Variants in ITLN1 observed in about 807,000 individuals in gnomAD.
ITLN1 encodes intelectin-1.
Under a neutral mutation model 36.2 loss-of-function variants are expected in ITLN1, and 29 were observed. The ratio of observed to expected loss-of-function variants is 0.80; its 90% CI spans 0.60 to 1.09. The LOEUF is 1.09. Among genes scored for constraint, ITLN1 ranks in the 50% least tolerant of loss-of-function variants. The pLI, the probability that ITLN1 is intolerant of heterozygous loss-of-function variation, is 0.00. For synonymous variants in ITLN1, 143 were observed against 146.5 expected, an observed-to-expected ratio of 0.98 and a Z score of 0.17; for missense variants, 358 against 405.2, an observed-to-expected ratio of 0.88 and a Z score of 1.00.
chr1:160,879,169 G>A (rs907564178), intron 7 of ITLN1, 142 bp downstream of exon 7: 10 of 692,568 alleles, frequency 1.4e-5, no homozygotes, highest in Middle Eastern at 4.0e-4. Flanking sequence ...CTGAAGCTCA[G>A]CAATGAGCAA....
chr1:160,884,966 G>C, intron 1 of ITLN1, 83 bp from the exon 2 acceptor site: 1 of 865,968 alleles, frequency 1.2e-6, no homozygotes, highest in East Asian at 2.4e-5. Context: ...GTCTTACAAA[G>C]ACTCCAAAAC....
rs530827688 is a variant in ITLN1, at chr1:160,882,845, T to C, written c.157+583A>G. Reference sequence around the variant, plus strand: ...GGGAAGAGAGTTATTGCTTAATAACTCCATGTTATTTTTTGTTTTGTTTTG... The same window carrying C: ...GGGAAGAGAGTTATTGCTTAATAACCCCATGTTATTTTTTGTTTTGTTTTG... On this transcript the variant is annotated intron_variant, in intron 3 of 7. Transcript: ENST00000326245. Among the ~76,000 whole-genome samples, 5 of 152,162 alleles carry C rather than the reference T, an allele frequency of 3.3e-5. No individual in the cohort carries two copies. The East Asian group carries it at 9.6e-4, about 29-fold the overall frequency.
chr1:160,884,709 A>C, intron 2 of ITLN1, 111 bp downstream of exon 2: 1 of 744,468 alleles, frequency 1.3e-6, no homozygotes, highest in South Asian at 1.7e-5. Context: ...CTCAGTCTAC[A>C]TGCAAGCCAG....
At chr1:160,884,967 A>C in intron 1 of ITLN1, 84 bp from the exon 2 acceptor site, 1 of 823,618 alleles carries the variant, frequency 1.2e-6, no homozygotes, top group Non-Finnish European at 2.0e-6. Context: ...TCTTACAAAG[A>C]CTCCAAAACC....
rs1036861709 is a variant in ITLN1 at position 160,876,834 on chromosome 1, G to A, written c.790-18C>T. On this transcript the variant is annotated intron_variant, in intron 7 of 7. Transcript: ENST00000326245. The stretch of plus-strand genomic sequence containing the variant: ...ATGCAGTGCTGGGAAACAAAGAGAG[G>A]AAGAGGCAGTAATGAGAGATCTGCC... 2 of 1,612,444 alleles carry A rather than the reference G, an allele frequency of 1.2e-6. No homozygotes were observed. The highest frequency in any genetic ancestry group is 1.3e-5 in the African/African-American group (1 of 74,874).
intron 2 of ITLN1, among the ~76,000 whole-genome samples, chr1:160,884,611 C>G (rs902974704): frequency 2.6e-5 from 4 of 152,130 alleles, no homozygotes; most frequent in African/African-American, 9.7e-5. Flanking sequence ...CAGGGCCACA[C>G]AAAAGCACAG....
At position 160,879,323 on chromosome 1, in the gene ITLN1, A is replaced by C. The variant is rs1289642103; in HGVS notation, c.777T>G (p.Cys259Trp). Residue 259 changes from cysteine (C) to tryptophan (W), a missense_variant, in exon 7 of 8, where the codon TGT becomes TGG. Coordinates refer to ENST00000326245, the MANE Select transcript of ITLN1 (RefSeq NM_017625.3). The part of the protein sequence containing the change: ...ALCAGMRVTG[C>W]NTEHHCIGGG... ...CACAGAGACTCACGTGCTCAGTGTT[A>C]CATCCGGTGACCCTCATTCCAGCAC... 1.9e-6 allele frequency: 3 copies of C among 1,613,488 alleles called. No individual in the cohort carries two copies. The highest frequency in any genetic ancestry group is 2.7e-5 in the African/African-American group (2 of 74,904).
At position 160,876,630 on chromosome 1, in the gene ITLN1, G is replaced by T. The variant is rs369658384; in HGVS notation, c.*34C>A. The T allele has an allele frequency of 6.8e-6, 11 of 1,610,130 alleles. No individual in the cohort carries two copies. In the African/African-American group the frequency reaches 1.5e-4, roughly 22 times the overall value. ...CTCCATCCTTGGGATCTCATGGTTG[G>T]GAGGAGAGGTCTGGGTTCCCTCCCA... On this transcript the variant is annotated 3_prime_UTR_variant, in exon 8 of 8. Coordinates refer to ENST00000326245, the MANE Select transcript of ITLN1 (RefSeq NM_017625.3).
chr1:160,881,802 A>G (rs1367945441), intron 4 of ITLN1, among the ~76,000 whole-genome samples, 155 bp downstream of exon 4: 3 of 65,884 alleles, frequency 4.6e-5, no homozygotes, highest in Non-Finnish European at 1.1e-4. Context: ...ACTCCGTCTC[A>G]AGAAAAAAAA....
At position 160,881,241 on chromosome 1, in the gene ITLN1, C is replaced by T. The variant is rs200950973; in HGVS notation, c.477G>A (p.Gln159=). The stretch of plus-strand genomic sequence containing the variant: ...TCAGCAGGGAGCTGTTTCTCCAGTG[C>T]TGCATGGGGGACTTATTGGGCACGT... ...IWHVPNKSPM[Q]HWRNSSLLRY... is the part of the protein sequence containing the mutation. Residue 159 remains glutamine, a synonymous_variant, in exon 5 of 8, where the codon CAG becomes CAA. Coordinates refer to ENST00000326245, the MANE Select transcript of ITLN1 (RefSeq NM_017625.3). 3.7e-6 allele frequency: 6 copies of T among 1,613,636 alleles called. No individual in the cohort carries two copies. The highest frequency in any genetic ancestry group is 1.7e-4 in the Middle Eastern group (1 of 6,060).
At chr1:160,884,760 G>GACCAGGAT in intron 2 of ITLN1, 60 bp downstream of exon 2, 1 of 1,165,374 alleles carries the variant, frequency 8.6e-7, no homozygotes, top group East Asian at 2.3e-5. Context: ...TCCTGGGAGA[G>GACCAGGAT]ACCAGGATCC....
intron 4 of ITLN1, 139 bp downstream of exon 4, chr1:160,881,818 A>G: frequency 8.1e-7 from 1 of 1,227,232 alleles, no homozygotes; most frequent in Non-Finnish European, 1.1e-6. Flanking sequence ...AAAAAAAAAA[A>G]AAAAAAAGAT....
At chr1:160,881,711 A>G (rs1670681296) in intron 4 of ITLN1, among the ~76,000 whole-genome samples, 1 of 150,726 alleles carries the variant, frequency 6.6e-6, no homozygotes, top group Admixed American at 6.6e-5. Flanking sequence ...TTTGAGGCAG[A>G]GGATCACTTG....
chr1:160,883,295 A>C, intron 3 of ITLN1, 133 bp downstream of exon 3: 2 of 595,358 alleles, frequency 3.4e-6, no homozygotes, highest in Non-Finnish European at 5.9e-6. Context: ...ATGTTGCTTA[A>C]AATGGCAAAT....
chr1:160,884,596 C>T (rs1173120547), intron 2 of ITLN1, among the ~76,000 whole-genome samples: 3 of 152,138 alleles, frequency 2.0e-5, no homozygotes, highest in African/African-American at 7.2e-5. Flanking sequence ...TTGCCACAGC[C>T]CCCTCAGGGC....
intron 3 of ITLN1, 42 bp downstream of exon 3, chr1:160,883,386 T>C: frequency 7.3e-7 from 1 of 1,368,444 alleles, no homozygotes; most frequent in Non-Finnish European, 1.0e-6. Context: ...GACACAATCC[T>C]GATACCCTGA....
intron 6 of ITLN1, among the ~76,000 whole-genome samples, chr1:160,880,004 G>C (rs1670650361): frequency 6.6e-6 from 1 of 152,018 alleles, no homozygotes; most frequent in African/African-American, 2.4e-5. Flanking sequence ...TAGGAGTAAA[G>C]AGTCTGGAGT....
intron 2 of ITLN1, among the ~76,000 whole-genome samples, 189 bp downstream of exon 2, chr1:160,884,629 ACC>A (rs1486465448): frequency 6.6e-6 from 1 of 152,122 alleles, no homozygotes; most frequent in Non-Finnish European, 1.5e-5. Context: ...CAGAGCCTGG[ACC>A]CAGGACATGC....
chr1:160,881,026 G>A, intron 5 of ITLN1, 128 bp downstream of exon 5: 1 of 1,102,938 alleles, frequency 9.1e-7, no homozygotes, highest in South Asian at 1.7e-5. Context: ...AGCAACAGAA[G>A]CCATCAGCAA....
Sources: allele counts gnomAD v4.1 joint callset (sites outside exome capture counted in the v4.1 genomes callset), GRCh38; gene constraint gnomAD v4.1.1; transcripts MANE v1.5; gene names NCBI Gene and HGNC (gene_info 2026-07-23, HGNC 2026-07-21).